Variants in PTPN3 observed in about 807,000 individuals in gnomAD.
The protein encoded by PTPN3 is protein tyrosine phosphatase non-receptor type 3.
PTPN3 carries 96 observed loss-of-function variants against 132.7 expected under a neutral mutation model. The observed-to-expected ratio is 0.72, with a 90% CI of 0.61 to 0.86. The LOEUF (loss-of-function observed/expected upper bound fraction) is 0.86. PTPN3 is among the 40% of genes least tolerant of loss of function. PTPN3 has a pLI of 0.00. For missense variants in PTPN3, 1,125 were observed against 1,159.6 expected, an observed-to-expected ratio of 0.97 and a Z score of 0.43; for synonymous variants, 398 against 429.0, an observed-to-expected ratio of 0.93 and a Z score of 0.89.
chr9:109,417,154 C>T (rs1285069894), intron 14 of PTPN3, among the ~76,000 whole-genome samples: 1 of 152,166 alleles, frequency 6.6e-6, no homozygotes, highest in Non-Finnish European at 1.5e-5. Context: ...AAGAGTGCAG[C>T]CTACTTGGGC....
chr9:109,383,290 C>T lies in PTPN3; in HGVS notation c.2382+133G>A. 4.0e-6 allele frequency: 6 copies of T among 1,483,078 alleles called. No homozygotes were observed. The South Asian group carries it at 7.1e-5, about 18-fold the overall frequency. 91.9% of individuals were successfully genotyped at this position (1,483,078 alleles called of 1,614,324 possible). ...CTCTGGGCCCTGGCTCTTTGATGGG[C>T]AGTCTTGCGCACTTACTGACACGCT... On this transcript the variant is annotated intron_variant, in intron 23 of 25. Transcript: ENST00000374541.
intron 9 of PTPN3, among the ~76,000 whole-genome samples, chr9:109,434,583 A>T (rs569491948): frequency 1.3e-5 from 2 of 152,320 alleles, no homozygotes; most frequent in African/African-American, 4.8e-5. Flanking sequence ...GCTGGGGTTA[A>T]AGGCGTGAGC....
intron 5 of PTPN3, among the ~76,000 whole-genome samples, chr9:109,451,856 T>C (rs1190497103): frequency 6.6e-6 from 1 of 152,188 alleles, no homozygotes; most frequent in East Asian, 1.9e-4. Flanking sequence ...TCTAGTGTTA[T>C]GGGAAGGCAG....
chr9:109,451,395 AGGTGGG>A, intron 5 of PTPN3: 1 of 943,200 alleles, frequency 1.1e-6, no homozygotes, highest in Non-Finnish European at 1.3e-6. Flanking sequence ...TTAAGATGGA[AGGTGGG>A]GGTGGGGTGT....
At position 109,452,201 on chromosome 9, in the gene PTPN3, G is replaced by A. The variant is rs188047258; in HGVS notation, c.368+2295C>T. Reference sequence around the variant, plus strand: ...GAGAATCGCTTGAACCCGGGAGGCCGAGGTTACAGTGAGCTGAGAGCGCGC... The same window carrying A: ...GAGAATCGCTTGAACCCGGGAGGCCAAGGTTACAGTGAGCTGAGAGCGCGC... On this transcript the variant is annotated intron_variant, in intron 5 of 25. Coordinates refer to ENST00000374541, the MANE Select transcript of PTPN3 (RefSeq NM_002829.4). Among the ~76,000 whole-genome samples the A allele has an allele frequency of 7.3e-4, 106 of 145,512 alleles. 2 individuals are homozygous for A. The highest frequency in any genetic ancestry group is 2.6e-3 in the African/African-American group (102 of 39,084).
upstream of PTPN3, among the ~76,000 whole-genome samples, chr9:109,501,908 C>A (rs1292264980): frequency 6.6e-6 from 1 of 152,174 alleles, no homozygotes; most frequent in African/African-American, 2.4e-5. Flanking sequence ...TGAGAGAAAG[C>A]CAGGACCGTA....
chr9:109,520,468 GTT>G, the PTPN3 span, among the ~76,000 whole-genome samples: 1 of 152,240 alleles, frequency 6.6e-6, no homozygotes, highest in African/African-American at 2.4e-5. Context: ...TGAATTGAGA[GTT>G]TGGAAAATTG....
the PTPN3 span, among the ~76,000 whole-genome samples, chr9:109,535,798 C>A: frequency 8.5e-5 from 13 of 152,326 alleles, no homozygotes; most frequent in African/African-American, 2.9e-4. Flanking sequence ...TGAGCCACTG[C>A]ACCTGGACAT....
intron 16 of PTPN3, among the ~76,000 whole-genome samples, chr9:109,409,139 C>T (rs955711396): frequency 1.3e-5 from 2 of 152,024 alleles, no homozygotes; most frequent in Non-Finnish European, 2.9e-5. Flanking sequence ...ATTAACCCAC[C>T]AGTAAACAAA....
Position 109,487,732 on chromosome 9 carries a change from C to T in PTPN3, c.-18+10487G>A, listed in dbSNP as rs532076251. On this transcript the variant is annotated intron_variant, in intron 1 of 25. Coordinates refer to ENST00000374541, the MANE Select transcript of PTPN3 (RefSeq NM_002829.4). ...CAAGAAATGCCTAACTGCTTCAATG[C>T]CAATACAACTTATTTCTATAGTCAG... Among the ~76,000 whole-genome samples the T allele has an allele frequency of 3.9e-5, 6 of 152,318 alleles. No homozygotes were observed. The East Asian group carries it at 1.2e-3, about 29-fold the overall frequency.
intron 5 of PTPN3, among the ~76,000 whole-genome samples, chr9:109,452,633 T>C (rs944917965): frequency 5.3e-5 from 8 of 152,000 alleles, no homozygotes; most frequent in African/African-American, 1.9e-4. Context: ...GGCTTGATCA[T>C]GGCTCACTGC....
intron 5 of PTPN3, chr9:109,450,896 A>C: frequency 1.0e-6 from 1 of 985,278 alleles, no homozygotes; most frequent in Non-Finnish European, 1.2e-6. Flanking sequence ...AACAGATACC[A>C]CCTCTATACA....
intron 1 of PTPN3, among the ~76,000 whole-genome samples, chr9:109,470,088 G>A (rs62576450): frequency 0.047 from 7,117 of 151,350 alleles, 239 homozygotes; most frequent in Non-Finnish European, 0.072. Context: ...ACAGATGACC[G>A]ATCTAGAGAA....
At chr9:109,463,043 C>CT (rs943065759) in intron 2 of PTPN3, among the ~76,000 whole-genome samples, 12 of 150,916 alleles carry the variant, frequency 8.0e-5, no homozygotes, top group Non-Finnish European at 1.5e-4. Context: ...TGGATGAGGA[C>CT]TTCCCAGAAG....
intron 1 of PTPN3, among the ~76,000 whole-genome samples, chr9:109,469,002 A>G (rs1468568670): frequency 6.6e-6 from 1 of 152,204 alleles, no homozygotes; most frequent in Non-Finnish European, 1.5e-5. Flanking sequence ...GTTGTGATAG[A>G]TATGTGATAC....
intron 23 of PTPN3, among the ~76,000 whole-genome samples, chr9:109,382,751 GT>G (rs113019092): frequency 0.22 from 27,468 of 126,988 alleles, 2,824 homozygotes; most frequent in African/African-American, 0.34. Flanking sequence ...CATGCTGACT[GT>G]TTTTTTTTTT....
At position 109,448,907 on chromosome 9, in the gene PTPN3, A is replaced by C. The variant is rs573487071; in HGVS notation, c.369-52T>G. 4.5e-6 allele frequency: 7 copies of C among 1,555,460 alleles called. No individual in the cohort carries two copies. In the South Asian group the frequency reaches 7.3e-5, roughly 16 times the overall value. On this transcript the variant is annotated intron_variant, in intron 5 of 25. Coordinates refer to ENST00000374541, the MANE Select transcript of PTPN3 (RefSeq NM_002829.4). ...CATACTCAAACTGAAATAAGCAAAA[A>C]AAAAAAAAAAAGAAAGTTTGATGAG...
chr9:109,513,952 C>A, the PTPN3 span, among the ~76,000 whole-genome samples: 1 of 152,082 alleles, frequency 6.6e-6, no homozygotes, highest in Non-Finnish European at 1.5e-5. Context: ...CTGGGTGTTC[C>A]ACATGTACTT....
At chr9:109,447,332 A>C (rs768929625) in intron 6 of PTPN3, among the ~76,000 whole-genome samples, 1 of 152,148 alleles carries the variant, frequency 6.6e-6, no homozygotes, top group Non-Finnish European at 1.5e-5. Context: ...TGTGCAGAAG[A>C]GAAGGAAAGA....
Sources: allele counts gnomAD v4.1 joint callset (sites outside exome capture counted in the v4.1 genomes callset), GRCh38; gene constraint gnomAD v4.1.1; transcripts MANE v1.5; gene names NCBI Gene and HGNC (gene_info 2026-07-23, HGNC 2026-07-21).